Variants in ARID5B observed in about 807,000 individuals in gnomAD.
ARID5B encodes AT-rich interactive domain-containing protein 5B.
Under a neutral mutation model 97.2 loss-of-function variants are expected in ARID5B, and 13 were observed. The ratio of observed to expected loss-of-function variants is 0.13; its 90% CI spans 0.09 to 0.21. ARID5B has a LOEUF of 0.21. Among genes scored for constraint, ARID5B ranks in the 10% least tolerant of loss-of-function variants. The pLI is 1.00. For synonymous variants in ARID5B, 556 were observed against 570.3 expected (o/e 0.97, Z 0.36); for missense variants, 1,210 against 1,465.3 (o/e 0.83, Z 2.84).
chr10:61,949,056 T>C (rs1403667747), intron 3 of ARID5B, among the ~76,000 whole-genome samples: 1 of 152,228 alleles, frequency 6.6e-6, no homozygotes, highest in Non-Finnish European at 1.5e-5. Context: ...GTTGTGCCTT[T>C]TGAGCTTCTG....
chr10:62,041,971 G>A (rs1026044131), intron 4 of ARID5B, among the ~76,000 whole-genome samples: 2 of 152,210 alleles, frequency 1.3e-5, no homozygotes, highest in African/African-American at 2.4e-5. Flanking sequence ...TTTATTGATT[G>A]TAACAAAAAG....
At chr10:61,960,913 C>T (rs1225545824) in intron 3 of ARID5B, among the ~76,000 whole-genome samples, 1 of 152,330 alleles carries the variant, frequency 6.6e-6, no homozygotes, top group East Asian at 1.9e-4. Flanking sequence ...TTATGCCCTT[C>T]GGCAAGTTGT....
At chr10:61,902,497 T>C in intron 2 of ARID5B, 84 bp downstream of exon 2, 1 of 1,534,284 alleles carries the variant, frequency 6.5e-7, no homozygotes, top group Non-Finnish European at 8.8e-7. Flanking sequence ...TTGAAAATAC[T>C]GTATTCACTT....
intron 3 of ARID5B, among the ~76,000 whole-genome samples, chr10:61,950,679 CA>C (rs1346694896): frequency 6.6e-6 from 1 of 152,176 alleles, no homozygotes; most frequent in Non-Finnish European, 1.5e-5. Context: ...CTGGCCAACA[CA>C]GTGAGACCCT....
chr10:62,036,167 G>C (rs1333882204), intron 4 of ARID5B, among the ~76,000 whole-genome samples: 1 of 152,108 alleles, frequency 6.6e-6, no homozygotes, highest in Non-Finnish European at 1.5e-5. Flanking sequence ...AGGGAGAAAA[G>C]CTAAAAAAGA....
chr10:62,071,224 C>T (rs958034433), intron 8 of ARID5B, among the ~76,000 whole-genome samples: 4 of 151,702 alleles, frequency 2.6e-5, no homozygotes, highest in Admixed American at 1.3e-4. Flanking sequence ...TTAGTAGAGA[C>T]GGGGTTTCAC....
At chr10:62,040,255 AGCC>A (rs1307029883) in intron 4 of ARID5B, among the ~76,000 whole-genome samples, 8 of 152,300 alleles carry the variant, frequency 5.3e-5, no homozygotes, top group South Asian at 4.1e-4. Flanking sequence ...GCCATTTAGT[AGCC>A]TTGAGTCAAT....
chr10:62,061,225 T>C (rs1014063848), intron 7 of ARID5B, among the ~76,000 whole-genome samples: 1 of 152,104 alleles, frequency 6.6e-6, no homozygotes, highest in African/African-American at 2.4e-5. Context: ...CCTACACAGG[T>C]AAAGTACTTA....
chr10:62,076,558 T>G (rs1840138015), intron 8 of ARID5B, among the ~76,000 whole-genome samples: 2 of 49,074 alleles, frequency 4.1e-5, no homozygotes, highest in South Asian at 7.1e-4. Context: ...CGAGACTCTG[T>G]CTCAAAAAAA....
At position 62,091,645 on chromosome 10, in the gene ARID5B, T is replaced by C. The variant is rs1840374679; in HGVS notation, c.2182T>C (p.Leu728=). The change falls in exon 10 of 10, where the codon TTG becomes CTG. Residue 728 remains leucine, a synonymous_variant. Coordinates refer to ENST00000279873, the MANE Select transcript of ARID5B (RefSeq NM_032199.3). Reference sequence around the variant, plus strand: ...AAAGAAACTGATTGCTAGGGATGACTTGTGTTCCAGTTTGTCCCAGACCCA... The same window carrying C: ...AAAGAAACTGATTGCTAGGGATGACCTGTGTTCCAGTTTGTCCCAGACCCA... ...SKKKLIARDD[L]CSSLSQTHHG... The C allele has an allele frequency of 1.2e-6, 2 of 1,614,134 alleles. No homozygotes were observed. The highest frequency in any genetic ancestry group is 1.3e-5 in the African/African-American group (1 of 75,032).
At chr10:61,988,556 T>G (rs576826754) in intron 3 of ARID5B, among the ~76,000 whole-genome samples, 1 of 152,336 alleles carries the variant, frequency 6.6e-6, no homozygotes, top group East Asian at 1.9e-4. Flanking sequence ...GTTGGGGCTT[T>G]GGGGTATCAG....
At chr10:61,957,234 A>AT (rs534056639) in intron 3 of ARID5B, among the ~76,000 whole-genome samples, 16 of 151,786 alleles carry the variant, frequency 1.1e-4, no homozygotes, top group South Asian at 4.2e-4. Flanking sequence ...AGCAGTATAA[A>AT]TTTTTTTTTG....
intron 3 of ARID5B, among the ~76,000 whole-genome samples, chr10:61,967,479 A>T (rs1274030471): frequency 2.0e-5 from 3 of 152,202 alleles, no homozygotes; most frequent in Non-Finnish European, 2.9e-5. Flanking sequence ...CAGGGGAAAT[A>T]TGTGGTATGA....
At chr10:61,990,456 A>G (rs1838908488) in intron 3 of ARID5B, among the ~76,000 whole-genome samples, 1 of 152,222 alleles carries the variant, frequency 6.6e-6, no homozygotes, top group South Asian at 2.1e-4. Context: ...GCCTTTTAGG[A>G]AGTGTCATTG....
In ARID5B at chr10:62,095,010, A is replaced by G. The variant is rs1318056130; in HGVS notation, c.*1980A>G. 1.3e-5 allele frequency: 3 copies of G among 230,380 alleles called. No homozygotes were observed. The highest frequency in any genetic ancestry group is 2.6e-5 in the Non-Finnish European group (3 of 116,104). The allele number at this position is 230,380 out of a possible 1,614,324, so 14.3% of individuals were successfully genotyped here. ...TGAAGCCAAATATTCAATGTAACAT[A>G]CTTAATATCCAAAGGTGGAAACAAA... On this transcript the variant is annotated 3_prime_UTR_variant, in exon 10 of 10. Transcript: ENST00000279873.
intron 3 of ARID5B, among the ~76,000 whole-genome samples, chr10:61,994,080 C>CT (rs1377285975): frequency 1.3e-5 from 2 of 152,034 alleles, no homozygotes; most frequent in African/African-American, 2.4e-5. Flanking sequence ...AAGTGAAAAT[C>CT]TTTAAATGTT....
intron 7 of ARID5B, among the ~76,000 whole-genome samples, chr10:62,068,353 G>C (rs1840019671): frequency 6.6e-6 from 1 of 152,104 alleles, no homozygotes; most frequent in South Asian, 2.1e-4. Flanking sequence ...ATTGAATGAT[G>C]CACAGCTAAC....
rs187767867 is a variant in ARID5B, at chr10:61,913,481, A to G, written c.276+11068A>G. On this transcript the variant is annotated intron_variant, in intron 2 of 9. Transcript: ENST00000279873. ...CCTAAGGCCCAGAAAAATCTTGGGC[A>G]TGTCCTCAGAACTAGAGAGTGACAG... Among the ~76,000 whole-genome samples the G allele has an allele frequency of 1.1e-3, 163 of 152,336 alleles. 3 individuals are homozygous for G. The highest frequency in any genetic ancestry group is 2.5e-4 in the Non-Finnish European group (17 of 68,030).
intron 2 of ARID5B, among the ~76,000 whole-genome samples, chr10:61,903,285 C>G (rs1589211863): frequency 1.3e-5 from 2 of 151,844 alleles, no homozygotes; most frequent in East Asian, 2.0e-4. Flanking sequence ...GGGGACAGAG[C>G]CTCCCCGGCA....
Sources: allele counts gnomAD v4.1 joint callset (sites outside exome capture counted in the v4.1 genomes callset), GRCh38; gene constraint gnomAD v4.1.1; transcripts MANE v1.5; gene names NCBI Gene and HGNC (gene_info 2026-07-23, HGNC 2026-07-21).